Variants in VPS13B observed in about 807,000 individuals in gnomAD.
VPS13B encodes the protein intermembrane lipid transfer protein VPS13B.
A neutral mutation model predicts 426.4 loss-of-function variants in VPS13B; 285 were observed. The ratio of observed to expected loss-of-function variants is 0.67; its 90% CI spans 0.61 to 0.74. The LOEUF (loss-of-function observed/expected upper bound fraction) is 0.74, where lower values mean the gene tolerates loss of function less well. Ranked by LOEUF, VPS13B falls within the 30% of genes least tolerant of loss-of-function variation. The probability of loss-of-function intolerance (pLI) is 0.00; values close to 1 mark genes in which losing one functional copy is unlikely to be tolerated. For synonymous variants in VPS13B, 1,676 were observed against 1,676.4 expected, an observed-to-expected ratio of 1.00 and a Z score of 0.01; for missense variants, 4,537 against 4,782.6, an observed-to-expected ratio of 0.95 and a Z score of 1.51.
At chr8:99,503,752 C>T (rs373842560) in intron 27 of VPS13B, among the ~76,000 whole-genome samples, 3 of 152,176 alleles carry the variant, frequency 2.0e-5, no homozygotes, top group Non-Finnish European at 2.9e-5. Context: ...CTTGGTCTCA[C>T]ATTGTTTTCA....
At chr8:99,102,849 A>C in intron 4 of VPS13B, 104 bp from the exon 5 acceptor site, 1 of 1,185,094 alleles carries the variant, frequency 8.4e-7, no homozygotes, top group Admixed American at 2.0e-5. Flanking sequence ...AAATATGCTA[A>C]ATAATAACCA....
rs572022131 is a variant in VPS13B at position 99,311,413 on chromosome 8, T to C, written c.2824+36159T>C. ...TCAAAGAACATCTTTATTTCTGCCT[T>C]CATTTCGTTATATACCCAGTAGTCA... is the stretch of plus-strand genomic sequence containing the variant. On this transcript the variant is annotated intron_variant, in intron 19 of 61. Transcript: ENST00000357162. Among the ~76,000 whole-genome samples, 24 of 152,352 alleles carry C rather than the reference T, an allele frequency of 1.6e-4. No homozygotes were observed. The East Asian group carries it at 4.2e-3, about 27-fold the overall frequency.
chr8:99,716,651 A>G (rs1329284782), intron 36 of VPS13B, among the ~76,000 whole-genome samples: 3 of 152,174 alleles, frequency 2.0e-5, no homozygotes, highest in African/African-American at 4.8e-5. Flanking sequence ...GTAAACTTCA[A>G]GTGGTTATGA....
In VPS13B at chr8:99,523,701, A is replaced by G. The variant is rs532387157; in HGVS notation, c.4745+2691A>G. Among the ~76,000 whole-genome samples the G allele has an allele frequency of 6.2e-4, 94 of 152,352 alleles. 1 individual carries two copies. Among genetic ancestry groups the G allele is most frequent in the Non-Finnish European group, 2.1e-4 (14 of 68,030 alleles). ...ACTCCCTAATGCAGATATGGCGGCA[A>G]TGACCAAAAACTTAGATCACAACAC... On this transcript the variant is annotated intron_variant, in intron 30 of 61. Coordinates refer to ENST00000357162, the MANE Select transcript of VPS13B (RefSeq NM_152564.5).
intron 21 of VPS13B, among the ~76,000 whole-genome samples, chr8:99,428,419 A>C (rs373994177): frequency 6.6e-6 from 1 of 152,210 alleles, no homozygotes; most frequent in South Asian, 2.1e-4. Context: ...AGAATCTACA[A>C]TGAACTCAAA....
Position 99,778,652 on chromosome 8 carries a change from T to A in VPS13B, c.7430-30T>A, listed in dbSNP as rs774759759. 6 of 1,585,378 alleles carry A rather than the reference T, an allele frequency of 3.8e-6. No individual in the cohort carries two copies. In the South Asian group the frequency reaches 5.5e-5, roughly 15 times the overall value. On this transcript the variant is annotated intron_variant, in intron 41 of 61. Transcript: ENST00000357162. ...TCACAAAATATTGGCTCATCTTAAT[T>A]GCTGTTTTCCTTGTTTGTTTTCTCA...
intron 31 of VPS13B, among the ~76,000 whole-genome samples, chr8:99,563,653 G>A (rs1391895423): frequency 1.3e-5 from 2 of 152,144 alleles, no homozygotes; most frequent in African/African-American, 4.8e-5. Context: ...GGAGCATTCC[G>A]AAGAAGGAAG....
intron 33 of VPS13B, among the ~76,000 whole-genome samples, chr8:99,583,122 C>A (rs1826156553): frequency 1.3e-5 from 2 of 152,264 alleles, no homozygotes; most frequent in South Asian, 4.1e-4. Context: ...CCCCCCAGAG[C>A]CATTTTTCCT....
At chr8:99,124,135 A>G (rs1417421815) in intron 8 of VPS13B, among the ~76,000 whole-genome samples, 2 of 152,226 alleles carry the variant, frequency 1.3e-5, no homozygotes, top group Non-Finnish European at 2.9e-5. Context: ...TATTGTAGGC[A>G]GAAAACCAAG....
intron 37 of VPS13B, among the ~76,000 whole-genome samples, chr8:99,720,140 T>C (rs1181897445): frequency 6.6e-6 from 1 of 152,146 alleles, no homozygotes; most frequent in Non-Finnish European, 1.5e-5. Context: ...CAATATAAGA[T>C]ATAATTAATT....
At chr8:99,301,568 G>A (rs1415207383) in intron 19 of VPS13B, among the ~76,000 whole-genome samples, 1 of 151,906 alleles carries the variant, frequency 6.6e-6, no homozygotes, top group African/African-American at 2.4e-5. Flanking sequence ...GGGATTACAG[G>A]CGTGAGCCAC....
At chr8:99,325,009 C>G (rs1469953881) in intron 19 of VPS13B, among the ~76,000 whole-genome samples, 1 of 152,048 alleles carries the variant, frequency 6.6e-6, no homozygotes, top group Non-Finnish European at 1.5e-5. Flanking sequence ...CATTGAGATT[C>G]TGAACAGGTA....
At chr8:99,519,032 G>A (rs184832807) in intron 29 of VPS13B, among the ~76,000 whole-genome samples, 119 of 152,212 alleles carry the variant, frequency 7.8e-4, no homozygotes, top group African/African-American at 2.7e-3. Context: ...TTTAAACAGG[G>A]TTTATACAGC....
intron 3 of VPS13B, among the ~76,000 whole-genome samples, chr8:99,080,214 G>A (rs1845367713): frequency 6.6e-6 from 1 of 151,748 alleles, no homozygotes; most frequent in Non-Finnish European, 1.5e-5. Flanking sequence ...TCTTTAGTGT[G>A]TCTTTTGTGT....
intron 2 of VPS13B, among the ~76,000 whole-genome samples, chr8:99,029,620 A>C (rs1047005269): frequency 2.6e-4 from 39 of 152,086 alleles, no homozygotes; most frequent in African/African-American, 6.7e-4. Flanking sequence ...AAAAAAAAAA[A>C]CGAAAACCAG....
intron 40 of VPS13B, among the ~76,000 whole-genome samples, chr8:99,772,200 C>G (rs1365626273): frequency 6.6e-6 from 1 of 150,654 alleles, no homozygotes. Flanking sequence ...TGGGAGATTA[C>G]TCTTCCTTTT....
intron 35 of VPS13B, among the ~76,000 whole-genome samples, chr8:99,688,985 A>C (rs1462359329): frequency 4.6e-5 from 7 of 152,086 alleles, no homozygotes; most frequent in African/African-American, 1.7e-4. Context: ...ATAACTTGTA[A>C]ATAGTTATCT....
intron 39 of VPS13B, among the ~76,000 whole-genome samples, chr8:99,750,454 A>T (rs1810336410): frequency 6.6e-6 from 1 of 152,138 alleles, no homozygotes; most frequent in Non-Finnish European, 1.5e-5. Flanking sequence ...TCCAGTGCCT[A>T]ACATAGTACT....
intron 8 of VPS13B, among the ~76,000 whole-genome samples, chr8:99,134,088 G>T (rs1169628943): frequency 6.6e-6 from 1 of 152,166 alleles, no homozygotes; most frequent in Admixed American, 6.5e-5. Flanking sequence ...ATAAGTATTT[G>T]TTGCATGATT....
Sources: gnomAD v4.1 joint callset for allele counts (sites outside exome capture counted in the v4.1 genomes callset) on GRCh38, gnomAD v4.1.1 for gene constraint, MANE v1.5 for transcripts, NCBI Gene and HGNC (gene_info 2026-07-23, HGNC 2026-07-21) for gene names.